TFCP2L1: variants seen among roughly 807,000 people sequenced by gnomAD.
TFCP2L1 encodes the protein transcription factor CP2 like 1.
Under a neutral mutation model 72.2 loss-of-function variants are expected in TFCP2L1, and 12 were observed. That is an observed-to-expected ratio of 0.17 (90% CI 0.11 to 0.27). The LOEUF is 0.27. Among genes scored for constraint, TFCP2L1 ranks in the 10% least tolerant of loss-of-function variants. The pLI, the probability that TFCP2L1 is intolerant of heterozygous loss-of-function variation, is 1.00. For synonymous variants in TFCP2L1, 260 were observed against 251.0 expected, an observed-to-expected ratio of 1.04 and a Z score of -0.34; for missense variants, 488 against 624.6, an observed-to-expected ratio of 0.78 and a Z score of 2.33.
At chr2:121,238,309 C>G (rs1032671811) in intron 8 of TFCP2L1, among the ~76,000 whole-genome samples, 2 of 152,178 alleles carry the variant, frequency 1.3e-5, no homozygotes, top group Non-Finnish European at 2.9e-5. Context: ...GCATAAGAAT[C>G]CCACGGGGAG....
rs1414765340 is a variant in TFCP2L1, at chr2:121,223,808, C to G, written c.*533G>C. On this transcript the variant is annotated 3_prime_UTR_variant, in exon 15 of 15. Transcript: ENST00000263707. ...CAAGAACAGGAAAGGCGGATGCTCA[C>G]CAGGGTCACTGAGAAGGGAAGCAAA... 6.1e-6 allele frequency: 1 copy of G among 163,784 alleles called. No individual in the cohort carries two copies. Among genetic ancestry groups the G allele is most frequent in the Non-Finnish European group, 1.4e-5 (1 of 73,882 alleles). The allele number at this position is 163,784 out of a possible 1,614,324, so 10.1% of individuals were successfully genotyped here.
Position 121,285,062 on chromosome 2 carries a change from G to C in TFCP2L1, c.48C>G (p.Ser16=). ...TQPEHYNQHN[S]GSYLRDVLAL... ...GCGGCCCTTACCGCAGGTAGCTGCC[G>C]GAGTTGTGCTGGTTGTAGTGCTCGG... Residue 16 remains serine, a synonymous_variant, in exon 1 of 15, where the codon TCC becomes TCG. Coordinates refer to ENST00000263707, the MANE Select transcript of TFCP2L1 (RefSeq NM_014553.3). 1 of 1,518,284 alleles carries C rather than the reference G, an allele frequency of 6.6e-7. No homozygotes were observed. The highest frequency in any genetic ancestry group is 1.2e-5 in the South Asian group (1 of 80,170). 94.1% of individuals were successfully genotyped at this position (1,518,284 alleles called of 1,614,324 possible).
At chr2:121,278,961 G>C (rs1687202100) in intron 2 of TFCP2L1, among the ~76,000 whole-genome samples, 1 of 151,088 alleles carries the variant, frequency 6.6e-6, no homozygotes, top group African/African-American at 2.4e-5. Flanking sequence ...CCGAGATCGT[G>C]TCATTGCACT....
intron 2 of TFCP2L1, among the ~76,000 whole-genome samples, chr2:121,275,823 A>G (rs201591080): frequency 6.6e-6 from 1 of 152,160 alleles, no homozygotes; most frequent in South Asian, 2.1e-4. Context: ...CACCTGCCTC[A>G]GCCTCCCAAA....
At position 121,219,719 on chromosome 2, in the gene TFCP2L1, C is replaced by T. The variant is rs1430713795; in HGVS notation, c.*4622G>A. On this transcript the variant is annotated 3_prime_UTR_variant, in exon 15 of 15. Transcript: ENST00000263707. ...CTCTTGGCGTCAAGTGATTCTCCCA[C>T]CTCGGCCTCCCAAAATGCTAGGATT... 2 of 152,276 alleles carry T rather than the reference C, an allele frequency of 1.3e-5. No homozygotes were observed. Among genetic ancestry groups the T allele is most frequent in the Admixed American group, 1.3e-4 (2 of 15,286 alleles). The allele number at this position is 152,276 out of a possible 1,614,324, so 9.4% of individuals were successfully genotyped here.
intron 8 of TFCP2L1, among the ~76,000 whole-genome samples, chr2:121,239,311 T>C (rs1686313559): frequency 6.6e-6 from 1 of 152,194 alleles, no homozygotes; most frequent in Admixed American, 6.5e-5. Flanking sequence ...GCTGACCGCA[T>C]GCACCCTCAA....
In TFCP2L1 at chr2:121,285,123, AGCGCGCCGACCGGG is replaced by A; in HGVS notation, c.-28_-15del. 6.7e-7 allele frequency: 1 copy of A among 1,490,504 alleles called. No homozygotes were observed. The highest frequency in any genetic ancestry group is 8.9e-7 in the Non-Finnish European group (1 of 1,118,740). 92.3% of individuals were successfully genotyped at this position (1,490,504 alleles called of 1,614,324 possible). The stretch of plus-strand genomic sequence containing the variant: ...CCAGAAGAGCATGGCTGGAACTCCC[AGCGCGCCGACCGGG>A]GCGCGGCAGCAAGCGCAGACGCGGG... On this transcript the variant is annotated 5_prime_UTR_variant, in exon 1 of 15. Coordinates refer to ENST00000263707, the MANE Select transcript of TFCP2L1 (RefSeq NM_014553.3).
intron 2 of TFCP2L1, among the ~76,000 whole-genome samples, chr2:121,251,763 C>T (rs1400797452): frequency 6.6e-6 from 1 of 152,184 alleles, no homozygotes. Flanking sequence ...ATACGTATAT[C>T]AAAACATCAT....
rs184199685 is a variant in TFCP2L1 at position 121,256,177 on chromosome 2, T to C, written c.215-6530A>G. Among the ~76,000 whole-genome samples the C allele has an allele frequency of 2.2e-4, 33 of 152,292 alleles. 1 individual carries two copies. In the East Asian group the frequency reaches 5.2e-3, roughly 24 times the overall value. On this transcript the variant is annotated intron_variant, in intron 2 of 14. Transcript: ENST00000263707. ...AACCAAGATGGACCTAGAACTCTCATGAATGTGTAACCATGCCGTGGCATA... is the reference window on the plus strand; with the variant it reads ...AACCAAGATGGACCTAGAACTCTCACGAATGTGTAACCATGCCGTGGCATA...
intron 2 of TFCP2L1, among the ~76,000 whole-genome samples, chr2:121,280,159 C>T (rs1687226948): frequency 6.6e-6 from 1 of 151,656 alleles, no homozygotes; most frequent in African/African-American, 2.4e-5. Flanking sequence ...CAAAATTATA[C>T]TTCTTGTTTT....
rs375809031 is a variant in TFCP2L1, at chr2:121,224,378, T to A, written c.1403A>T (p.Asn468Ile). Residue 468 changes from asparagine (N) to isoleucine (I), a missense_variant, in exon 15 of 15, where the codon AAT becomes ATT. Asn to Ile is a moderately radical substitution (Grantham distance 149). Transcript: ENST00000263707. ...TTTCAGGATGATGTGGTAGCCATCA[T>A]TGCTCTCAGCTGCAAGAGAGAAACA... ...FVLSTIKAES[N>I]DGYHIILKCG... The A allele has an allele frequency of 1.2e-6, 2 of 1,613,768 alleles. No individual in the cohort carries two copies. Among genetic ancestry groups the A allele is most frequent in the Non-Finnish European group, 1.7e-6 (2 of 1,179,966 alleles).
chr2:121,227,720 T>TACGCAC lies in TFCP2L1; in HGVS notation c.1342-2108_1342-2107insGTGCGT, dbSNP rs1553431253. On this transcript the variant is annotated intron_variant, in intron 13 of 14. Coordinates refer to ENST00000263707, the MANE Select transcript of TFCP2L1 (RefSeq NM_014553.3). ...TAAAATAAAATATATAAACATACAA[T>TACGCAC]ACACACACACACACACACACACACA... Among the ~76,000 whole-genome samples, 1,067 of 147,420 alleles carry TACGCAC rather than the reference T, an allele frequency of 7.2e-3. 14 individuals are homozygous for TACGCAC. Among genetic ancestry groups the TACGCAC allele is most frequent in the African/African-American group, 0.025 (1,014 of 39,836 alleles).
chr2:121,265,290 A>G (rs1332091530), intron 2 of TFCP2L1, among the ~76,000 whole-genome samples: 1 of 152,190 alleles, frequency 6.6e-6, no homozygotes, highest in Non-Finnish European at 1.5e-5. Context: ...GATAAAGTAG[A>G]TTACTGGTTG....
chr2:121,272,370 A>G (rs1687063310), intron 2 of TFCP2L1, among the ~76,000 whole-genome samples: 1 of 152,176 alleles, frequency 6.6e-6, no homozygotes, highest in African/African-American at 2.4e-5. Context: ...CCTCCTTAAC[A>G]TGATAGTTTA....
intron 5 of TFCP2L1, 149 bp downstream of exon 5, chr2:121,248,015 C>T: frequency 3.3e-6 from 2 of 604,576 alleles, no homozygotes; most frequent in African/African-American, 1.9e-5. Flanking sequence ...CTTTGCAACA[C>T]TCATTCTCTC....
intron 1 of TFCP2L1, 112 bp downstream of exon 1, chr2:121,284,929 GGCGGACA>G (rs1687336773): frequency 1.1e-6 from 1 of 877,600 alleles, no homozygotes; most frequent in African/African-American, 1.8e-5. Context: ...GTCCCCAGAG[GGCGGACA>G]GCGGGGAGGC....
At chr2:121,279,566 G>T (rs1277823686) in intron 2 of TFCP2L1, among the ~76,000 whole-genome samples, 1 of 152,218 alleles carries the variant, frequency 6.6e-6, no homozygotes, top group African/African-American at 2.4e-5. Flanking sequence ...CCAGAGGGAG[G>T]CAGACAGAGC....
chr2:121,254,871 AG>A, intron 2 of TFCP2L1, among the ~76,000 whole-genome samples: 1 of 152,052 alleles, frequency 6.6e-6, no homozygotes, highest in South Asian at 2.1e-4. Flanking sequence ...GAGTGCCTCT[AG>A]GGAACAGCTG....
At chr2:121,268,119 C>T (rs1380322870) in intron 2 of TFCP2L1, among the ~76,000 whole-genome samples, 2 of 152,084 alleles carry the variant, frequency 1.3e-5, no homozygotes, top group African/African-American at 4.8e-5. Context: ...CTCTCTAAAA[C>T]AAACAAAAAA....
Sources: gnomAD v4.1 joint callset for allele counts (sites outside exome capture counted in the v4.1 genomes callset) on GRCh38, gnomAD v4.1.1 for gene constraint, MANE v1.5 for transcripts, NCBI Gene and HGNC (gene_info 2026-07-23, HGNC 2026-07-21) for gene names.